The following ANK3 variants were observed in gnomAD, a reference collection of about 807,000 sequenced individuals.
The protein encoded by ANK3 is ankyrin-3.
In ANK3, 57 loss-of-function variants were observed where a neutral mutation model predicts 370.9. That is an observed-to-expected ratio of 0.15 (90% CI 0.12 to 0.19). ANK3 has a LOEUF of 0.19. ANK3 is among the 10% of genes least tolerant of loss of function. The pLI is 1.00. For synonymous variants in ANK3, 1,929 were observed against 1,946.3 expected (o/e 0.99, Z 0.23); for missense variants, 4,439 against 5,302.1 (o/e 0.84, Z 5.06).
At chr10:60,068,105 A>G in intron 37 of ANK3, 96 bp from the exon 38 acceptor site, 1 of 1,031,602 alleles carries the variant, frequency 9.7e-7, no homozygotes, top group Non-Finnish European at 1.5e-6. Context: ...AGAGAGACTA[A>G]TGCTAACACT....
At position 60,626,925 on chromosome 10, in the gene ANK3, G is replaced by A. The variant is rs118010897; in HGVS notation, c.58-11701C>T. Reference sequence around the variant, plus strand: ...CCAGGACAGGAACAGAATGGTTTTCGAGAAAACCACATAGAGGTAAAAGCG... The same window carrying A: ...CCAGGACAGGAACAGAATGGTTTTCAAGAAAACCACATAGAGGTAAAAGCG... On this transcript the variant is annotated intron_variant, in intron 1 of 43. Coordinates refer to the ANK3 transcript ENST00000373827. Among the ~76,000 whole-genome samples, 383 of 152,116 alleles carry A rather than the reference G, an allele frequency of 2.5e-3. 8 individuals are homozygous for A. The highest frequency in any genetic ancestry group is 0.02 in the Admixed American group (302 of 15,224).
chr10:60,128,193 T>C (rs557885621), intron 25 of ANK3, among the ~76,000 whole-genome samples: 7 of 152,296 alleles, frequency 4.6e-5, no homozygotes, highest in African/African-American at 1.7e-4. Context: ...TATAAAATCC[T>C]GGAGGAGAGA....
At chr10:60,608,122 T>C (rs1567177144) in intron 2 of ANK3, among the ~76,000 whole-genome samples, 1 of 152,204 alleles carries the variant, frequency 6.6e-6, no homozygotes, top group African/African-American at 2.4e-5. Flanking sequence ...TTTGAACCTC[T>C]GCTCCCCCAT....
intron 40 of ANK3, 189 bp downstream of exon 40, chr10:60,062,922 G>A: frequency 1.9e-6 from 1 of 531,098 alleles, no homozygotes. Flanking sequence ...TATTTATATT[G>A]TATATAAACA....
At chr10:60,567,435 G>A (rs1472706575) in intron 2 of ANK3, among the ~76,000 whole-genome samples, 1 of 152,066 alleles carries the variant, frequency 6.6e-6, no homozygotes, top group East Asian at 1.9e-4. Context: ...AATATTTTAA[G>A]CCTACTGTTG....
At chr10:60,297,914 C>T (rs1486790895) in intron 1 of ANK3, among the ~76,000 whole-genome samples, 1 of 151,982 alleles carries the variant, frequency 6.6e-6, no homozygotes, top group Non-Finnish European at 1.5e-5. Context: ...TCCTACTTGC[C>T]CCCAATTTTC....
intron 1 of ANK3, among the ~76,000 whole-genome samples, chr10:60,323,269 C>T (rs1364973176): frequency 2.6e-5 from 4 of 152,162 alleles, no homozygotes; most frequent in East Asian, 1.9e-4. Context: ...GAGAAGTGAA[C>T]GAGCTGGAGC....
At chr10:60,257,960 A>G (rs1020553017) in intron 7 of ANK3, among the ~76,000 whole-genome samples, 1 of 152,236 alleles carries the variant, frequency 6.6e-6, no homozygotes, top group Non-Finnish European at 1.5e-5. Flanking sequence ...TGAAGATTAG[A>G]TTAGGTGGTC....
chr10:60,309,679 T>C (rs2045914280), intron 1 of ANK3, among the ~76,000 whole-genome samples: 1 of 152,114 alleles, frequency 6.6e-6, no homozygotes, highest in Non-Finnish European at 1.5e-5. Flanking sequence ...AGTTTGAAAA[T>C]TAATATACTC....
chr10:60,284,316 A>G (rs72822217), intron 1 of ANK3, among the ~76,000 whole-genome samples: 2,940 of 152,222 alleles, frequency 0.019, 37 homozygotes, highest in South Asian at 0.035. Flanking sequence ...ATACATTTTG[A>G]TTATTTTAAG....
intron 1 of ANK3, among the ~76,000 whole-genome samples, chr10:60,692,014 T>A (rs2079361465): frequency 1.3e-5 from 2 of 152,198 alleles, no homozygotes; most frequent in African/African-American, 4.8e-5. Context: ...CAAGTAGCCC[T>A]CTATTTCTCA....
chr10:60,355,469 GAC>G (rs1396137486), intron 1 of ANK3, among the ~76,000 whole-genome samples: 7 of 152,222 alleles, frequency 4.6e-5, no homozygotes, highest in Admixed American at 4.6e-4. Context: ...CATTGCCCAT[GAC>G]CTTGTTGGAC....
At chr10:60,618,463 C>A (rs545195392) in intron 1 of ANK3, among the ~76,000 whole-genome samples, 1 of 152,198 alleles carries the variant, frequency 6.6e-6, no homozygotes, top group East Asian at 1.9e-4. Context: ...TGGGACTTCT[C>A]CTTAGTCATC....
intron 2 of ANK3, among the ~76,000 whole-genome samples, chr10:60,501,053 AG>A (rs1567096416): frequency 6.6e-6 from 1 of 152,214 alleles, no homozygotes; most frequent in Non-Finnish European, 1.5e-5. Context: ...ATTAAAAGGT[AG>A]GAAAAAAATC....
At chr10:60,140,256 G>A (rs2094504140) in intron 23 of ANK3, 2 of 1,312,350 alleles carry the variant, frequency 1.5e-6, no homozygotes, top group Non-Finnish European at 1.1e-6. Flanking sequence ...AGTACCAAGA[G>A]ATTATTTTAA....
At chr10:60,714,912 A>T (rs1290206763) in intron 1 of ANK3, among the ~76,000 whole-genome samples, 1 of 152,210 alleles carries the variant, frequency 6.6e-6, no homozygotes, top group Non-Finnish European at 1.5e-5. Context: ...GGAGAATACA[A>T]GCATCATACA....
rs192587828 is a variant in ANK3 at position 60,074,103 on chromosome 10, C to T, written c.6778G>A (p.Gly2260Ser). ...TRMVYHSPPGGEGASERIEET... is the reference protein window; with the variant it reads ...TRMVYHSPPGSEGASERIEET... ...TCAATTCTTTCAGATGCACCTTCACCGCCTGGTGGAGAATGATAAACCATT... is the reference window on the plus strand; with the variant it reads ...TCAATTCTTTCAGATGCACCTTCACTGCCTGGTGGAGAATGATAAACCATT... The change falls in exon 37 of 44, where the codon GGT (glycine) becomes AGT (serine). Residue 2260 changes from glycine (G) to serine (S), a missense_variant. Around this residue, in one of 13 missense-constraint regions of ANK3, gnomAD observed 1,601 missense variants for 1,731.7 expected, o/e 0.92. Coordinates refer to ENST00000280772, the MANE Select transcript of ANK3 (RefSeq NM_020987.5). 4.2e-5 allele frequency: 68 copies of T among 1,613,962 alleles called. No individual in the cohort carries two copies. The African/African-American group carries it at 4.8e-4, about 11-fold the overall frequency.
At chr10:60,519,902 T>C (rs1245288386) in intron 2 of ANK3, among the ~76,000 whole-genome samples, 1 of 152,000 alleles carries the variant, frequency 6.6e-6, no homozygotes, top group East Asian at 1.9e-4. Flanking sequence ...GGTTAGAGGG[T>C]TGATCAGTTA....
At chr10:60,421,967 A>G (rs1268972312) in intron 2 of ANK3, among the ~76,000 whole-genome samples, 1 of 152,072 alleles carries the variant, frequency 6.6e-6, no homozygotes, top group Non-Finnish European at 1.5e-5. Context: ...GATTGTTAAA[A>G]CTAAGGGTAT....
Sources: gnomAD v4.1 joint callset for allele counts (sites outside exome capture counted in the v4.1 genomes callset) on GRCh38, gnomAD v4.1.1 for gene constraint, gnomAD v4.1.1 regional missense constraint, MANE v1.5 for transcripts, NCBI Gene and HGNC (gene_info 2026-07-23, HGNC 2026-07-21) for gene names.